Variants in ZNF577 observed in about 807,000 individuals in gnomAD.
ZNF577 encodes zinc finger protein 577.
Under a neutral mutation model 13.9 loss-of-function variants are expected in ZNF577, and 14 were observed. That is an observed-to-expected ratio of 1.00 (90% CI 0.66 to 1.57). The LOEUF (loss-of-function observed/expected upper bound fraction) is 1.57, where lower values mean the gene tolerates loss of function less well. Ranked by LOEUF, ZNF577 falls within the 40% of genes most tolerant of loss-of-function variation. ZNF577 has a pLI of 0.00. For synonymous variants in ZNF577, 203 were observed against 202.9 expected (o/e 1.00, Z 0.00); for missense variants, 555 against 579.2 (o/e 0.96, Z 0.43).
At chr19:51,847,510 G>A (rs772222500) in intron 5 of ZNF577, among the ~76,000 whole-genome samples, 62 of 152,016 alleles carry the variant, frequency 4.1e-4, no homozygotes, top group Non-Finnish European at 6.3e-4. Flanking sequence ...CCCTGTCCTC[G>A]CCGACCACAT....
intron 9 of ZNF577, among the ~76,000 whole-genome samples, chr19:51,835,171 A>T (rs945657884): frequency 1.7e-4 from 26 of 152,160 alleles, no homozygotes; most frequent in Admixed American, 1.7e-3. Context: ...TAGCAATACT[A>T]ATCAAGAAAA....
chr19:51,823,026 C>T (rs1301799219), intron 9 of ZNF577, among the ~76,000 whole-genome samples: 1 of 152,056 alleles, frequency 6.6e-6, no homozygotes, highest in Non-Finnish European at 1.5e-5. Flanking sequence ...CCACACCTGG[C>T]TAATTTTTGC....
chr19:51,880,049 C>A (rs2084836428), intron 3 of ZNF577, among the ~76,000 whole-genome samples: 1 of 152,130 alleles, frequency 6.6e-6, no homozygotes. Context: ...GGTCAAGCAG[C>A]CCATTCATTC....
intron 5 of ZNF577, chr19:51,861,224 T>C (rs146349668): frequency 0.078 from 20,471 of 263,412 alleles, 1,020 homozygotes; most frequent in Middle Eastern, 0.12. Flanking sequence ...GTTCAAGAGA[T>C]TCTCCTGCCT....
Position 51,870,078 on chromosome 19 carries a change from C to T in ZNF577, c.*2454G>A, listed in dbSNP as rs775035731. Reference sequence around the variant, plus strand: ...CATCCTAGGGGCATTGGGTCCAGTGCGTAGACTGAGCTTCATCTGCCCCTT... The same window carrying T: ...CATCCTAGGGGCATTGGGTCCAGTGTGTAGACTGAGCTTCATCTGCCCCTT... On this transcript the variant is annotated 3_prime_UTR_variant, in exon 6 of 6. Coordinates refer to ENST00000638348, the MANE Select transcript of ZNF577 (RefSeq NM_001370449.1). Among the ~76,000 whole-genome samples, 10 of 152,354 alleles carry T rather than the reference C, an allele frequency of 6.6e-5. No individual in the cohort carries two copies. Among genetic ancestry groups the T allele is most frequent in the South Asian group, 2.1e-4 (1 of 4,832 alleles).
At chr19:51,842,761 C>T (rs1027969599) in intron 8 of ZNF577, 5 of 152,160 alleles carry the variant, frequency 3.3e-5, no homozygotes, top group Non-Finnish European at 5.9e-5. Context: ...GGGTGCCAAC[C>T]CATCAATGGC....
chr19:51,881,979 G>C (rs7250138), intron 1 of ZNF577, among the ~76,000 whole-genome samples: 33,657 of 151,914 alleles, frequency 0.22, 4,577 homozygotes, highest in South Asian at 0.41. Context: ...CCAGAGAGCT[G>C]ATCTCCAAGC....
intron 9 of ZNF577, among the ~76,000 whole-genome samples, chr19:51,821,826 A>G (rs2122490183): frequency 6.6e-6 from 1 of 151,818 alleles, no homozygotes; most frequent in East Asian, 1.9e-4. Context: ...TCCCTCTGGT[A>G]CAAAAAGGGG....
intron 1 of ZNF577, among the ~76,000 whole-genome samples, chr19:51,885,754 C>T (rs538063673): frequency 1.5e-4 from 23 of 152,230 alleles, no homozygotes; most frequent in African/African-American, 4.3e-4. Flanking sequence ...GTGATCTATC[C>T]GCCTCAGCCT....
chr19:51,804,451 T>G (rs1447684619), downstream of ZNF577, among the ~76,000 whole-genome samples: 6 of 152,196 alleles, frequency 3.9e-5, no homozygotes, highest in African/African-American at 1.4e-4. Flanking sequence ...GTGAATTATG[T>G]ACATTTAATA....
At chr19:51,821,261 G>A (rs777633465) in intron 9 of ZNF577, among the ~76,000 whole-genome samples, 8 of 152,324 alleles carry the variant, frequency 5.3e-5, no homozygotes, top group Non-Finnish European at 8.8e-5. Context: ...AGGTGCCAAC[G>A]ATAAGAGTAG....
At chr19:51,866,012 G>A (rs2084558658), downstream of ZNF577, among the ~76,000 whole-genome samples, 1 of 152,014 alleles carries the variant, frequency 6.6e-6, no homozygotes, top group Non-Finnish European at 1.5e-5. Flanking sequence ...CTACTCAGAA[G>A]GCTGAGGCAG....
rs908853528 is a variant in ZNF577 at position 51,870,294 on chromosome 19, T to C, written c.*2238A>G. Among the ~76,000 whole-genome samples the C allele has an allele frequency of 6.6e-6, 1 of 152,246 alleles. No individual in the cohort carries two copies. The highest frequency in any genetic ancestry group is 1.5e-5 in the Non-Finnish European group (1 of 68,042). ...CTTTGCACACCTGGGTAAGTTTGTA[T>C]TGGATGCCAGACATGGTCAATTACT... On this transcript the variant is annotated 3_prime_UTR_variant, in exon 6 of 6. Coordinates refer to ENST00000638348, the MANE Select transcript of ZNF577 (RefSeq NM_001370449.1).
At chr19:51,826,573 T>C (rs1284122392) in intron 9 of ZNF577, among the ~76,000 whole-genome samples, 1 of 152,214 alleles carries the variant, frequency 6.6e-6, no homozygotes, top group Non-Finnish European at 1.5e-5. Context: ...TACCAAACTT[T>C]TGTAATCACC....
intron 9 of ZNF577, among the ~76,000 whole-genome samples, chr19:51,816,877 G>C (rs1216156302): frequency 6.6e-6 from 1 of 152,208 alleles, no homozygotes; most frequent in Non-Finnish European, 1.5e-5. Context: ...CACATATGCT[G>C]TTAGAAGTAT....
chr19:51,855,421 TCAAG>T (rs139189107), intron 5 of ZNF577, among the ~76,000 whole-genome samples: 2,126 of 146,336 alleles, frequency 0.015, 46 homozygotes, highest in African/African-American at 0.046. Context: ...ACTTCAATGC[TCAAG>T]CAGTTTGTAA....
rs1029947307 is a variant in ZNF577 at position 51,824,115 on chromosome 19, C to T, written c.*600-12441G>A. 16 of 1,613,744 alleles carry T rather than the reference C, an allele frequency of 9.9e-6. No individual in the cohort carries two copies. Among genetic ancestry groups the T allele is most frequent in the African/African-American group, 6.7e-5 (5 of 74,894 alleles). On this transcript the variant is annotated intron_variant and NMD_transcript_variant, in intron 9 of 10. Transcript: ENST00000638827. The surrounding 1 kb of genome is among the most constrained non-coding windows in gnomAD (Gnocchi z 4.7). ...CCTGATCACCATCATTGCTCTGGACCGCTGTATTTGTGTCCTGCATCCAGC... is the reference window on the plus strand; with the variant it reads ...CCTGATCACCATCATTGCTCTGGACTGCTGTATTTGTGTCCTGCATCCAGC...
intron 8 of ZNF577, chr19:51,842,782 T>C (rs957674084): frequency 2.0e-5 from 3 of 152,226 alleles, no homozygotes; most frequent in Non-Finnish European, 4.4e-5. Context: ...CAACTAGTAC[T>C]TTGGTTCCAC....
chr19:51,807,219 G>T (rs566886906), intron 10 of ZNF577, among the ~76,000 whole-genome samples: 1 of 150,786 alleles, frequency 6.6e-6, no homozygotes, highest in African/African-American at 2.5e-5. Context: ...CAGGAAGTGG[G>T]GGGGGTGGTT....
Sources: gnomAD v4.1 joint callset for allele counts (sites outside exome capture counted in the v4.1 genomes callset) on GRCh38, gnomAD v4.1.1 for gene constraint, Gnocchi (gnomAD v3.1) non-coding constraint, MANE v1.5 for transcripts, NCBI Gene and HGNC (gene_info 2026-07-23, HGNC 2026-07-21) for gene names.